APC: variants seen among roughly 807,000 people sequenced by gnomAD.
APC encodes adenomatous polyposis coli protein.
APC carries 72 observed loss-of-function variants against 247.0 expected under a neutral mutation model. The ratio of observed to expected loss-of-function variants is 0.29; its 90% CI spans 0.24 to 0.35. The LOEUF is 0.35. APC is among the 10% of genes least tolerant of loss of function. APC has a pLI of 1.00. For missense variants in APC, 3,400 were observed against 3,360.7 expected, an observed-to-expected ratio of 1.01 and a Z score of -0.29; for synonymous variants, 1,254 against 1,162.5, an observed-to-expected ratio of 1.08 and a Z score of -1.60.
chr5:112,777,355 G>T (rs1430642134), intron 5 of APC, among the ~76,000 whole-genome samples: 1 of 152,106 alleles, frequency 6.6e-6, no homozygotes, highest in Non-Finnish European at 1.5e-5. Context: ...TTGAGTAATG[G>T]CTATGGAAAT....
intron 7 of APC, among the ~76,000 whole-genome samples, chr5:112,800,908 T>A (rs1376406208): frequency 6.6e-6 from 1 of 152,130 alleles, no homozygotes; most frequent in African/African-American, 2.4e-5. Flanking sequence ...AGTTTAACTG[T>A]TGTATTTGCA....
intron 7 of APC, among the ~76,000 whole-genome samples, chr5:112,793,406 C>G (rs150284522): frequency 3.2e-4 from 48 of 152,122 alleles, no homozygotes; most frequent in African/African-American, 1.1e-3. Context: ...AGGAATGTGA[C>G]TAACCCTGAT....
chr5:112,818,078 C>A (rs1201035487), intron 9 of APC, among the ~76,000 whole-genome samples: 3 of 152,132 alleles, frequency 2.0e-5, no homozygotes, highest in Non-Finnish European at 4.4e-5. Flanking sequence ...CCTAAAATAC[C>A]CATCCTACAA....
intron 1 of APC, among the ~76,000 whole-genome samples, chr5:112,748,131 A>G (rs576033672): frequency 2.0e-5 from 3 of 152,302 alleles, no homozygotes; most frequent in East Asian, 3.9e-4. Context: ...TGGGATGGGC[A>G]TCTTGAGACC....
In APC at chr5:112,843,976, C is replaced by A. The variant is rs762190393; in HGVS notation, c.8382C>A (p.Ser2794Arg). The change falls in exon 16 of 16, where the codon AGC becomes AGA. Residue 2794 changes from serine to arginine, a missense_variant. Physicochemically the swap from Ser to Arg is moderately radical, Grantham distance 110. This residue lies in a region of APC where 1,788 missense variants were observed against 1,649.5 expected (regional missense o/e 1.08). Coordinates refer to ENST00000257430, the MANE Select transcript of APC (RefSeq NM_000038.6). The surrounding 1 kb of genome is among the most constrained non-coding windows in gnomAD (Gnocchi z 4.8). ...FNYNPSPRKS[S>R]ADSTSARPSQ... ...ACAACCCAAGCCCTAGGAAAAGCAG[C>A]GCAGATAGCACTTCAGCTCGGCCAT... 6 of 1,602,150 alleles carry A rather than the reference C, an allele frequency of 3.7e-6. No homozygotes were observed. The highest frequency in any genetic ancestry group is 5.1e-6 in the Non-Finnish European group (6 of 1,174,678).
In APC at chr5:112,841,227, A is replaced by T; in HGVS notation, c.5633A>T (p.Lys1878Met). The part of the protein sequence containing the change: ...DDDDVDLSRE[K>M]AELRKAKENK... Reference sequence around the variant, plus strand: ...GATGATGTTGACCTTTCCAGGGAAAAGGCTGAATTAAGAAAGGCAAAAGAA... The same window carrying T: ...GATGATGTTGACCTTTCCAGGGAAATGGCTGAATTAAGAAAGGCAAAAGAA... The change falls in exon 16 of 16, where the codon AAG (lysine) becomes ATG (methionine). Residue 1878 changes from lysine (K) to methionine (M), a missense_variant. Lys to Met is a moderately conservative substitution (Grantham distance 95). Coordinates refer to ENST00000257430, the MANE Select transcript of APC (RefSeq NM_000038.6). This position sits in a 1 kb window ranked among gnomAD's most constrained non-coding sequence, Gnocchi z 4.6. 1 of 1,613,844 alleles carries T rather than the reference A, an allele frequency of 6.2e-7. No individual in the cohort carries two copies. The highest frequency in any genetic ancestry group is 8.5e-7 in the Non-Finnish European group (1 of 1,179,786).
At chr5:112,771,922 G>A (rs900738523) in intron 4 of APC, among the ~76,000 whole-genome samples, 1 of 152,068 alleles carries the variant, frequency 6.6e-6, no homozygotes, top group African/African-American at 2.4e-5. Flanking sequence ...GCTGGGTTTT[G>A]AACCTCAGTT....
intron 12 of APC, 139 bp downstream of exon 12, chr5:112,827,386 C>T (rs948836258): frequency 2.9e-5 from 28 of 981,834 alleles, no homozygotes; most frequent in Middle Eastern, 3.1e-4. Context: ...GCTTCACATT[C>T]GCTTATCTTT....
chr5:112,831,816 G>A (rs191587786), intron 14 of APC, among the ~76,000 whole-genome samples: 2 of 152,272 alleles, frequency 1.3e-5, no homozygotes, highest in Non-Finnish European at 2.9e-5. Flanking sequence ...AAAATTTTCT[G>A]TGGCTTCTAT....
chr5:112,731,735 C>G (rs577343149), intron 1 of APC, among the ~76,000 whole-genome samples: 4 of 152,144 alleles, frequency 2.6e-5, no homozygotes, highest in Non-Finnish European at 4.4e-5. Flanking sequence ...ATTTGATATA[C>G]TAAAACATTC....
At chr5:112,749,287 G>GTCA (rs1171430718) in intron 1 of APC, among the ~76,000 whole-genome samples, 7 of 151,988 alleles carry the variant, frequency 4.6e-5, no homozygotes, top group Non-Finnish European at 1.0e-4. Context: ...TGACCTGTAT[G>GTCA]TCATGGTTAG....
chr5:112,757,390 A>C (rs1755103554), intron 2 of APC, among the ~76,000 whole-genome samples: 2 of 152,122 alleles, frequency 1.3e-5, no homozygotes, highest in African/African-American at 4.8e-5. Context: ...GTAATACCTT[A>C]TATAAACTCG....
chr5:112,794,961 G>A (rs1003749953), intron 7 of APC, among the ~76,000 whole-genome samples: 1 of 152,182 alleles, frequency 6.6e-6, no homozygotes, highest in South Asian at 2.1e-4. Context: ...GGGGATGGGG[G>A]TGCAGAGATT....
rs6891448 is a variant in APC, at chr5:112,752,907, T to G, written c.-18-1966T>G. 0.044 allele frequency among the ~76,000 whole-genome samples: 6,748 copies of G among 152,144 alleles called. 266 individuals carry two copies. Among genetic ancestry groups the G allele is most frequent in the East Asian group, 0.14 (703 of 5,168 alleles). Reference sequence around the variant, plus strand: ...AAAGTTTAATTGTTCATCTGAAGAGTTGATTTTTTTATTCCTGTAATAAAG... The same window carrying G: ...AAAGTTTAATTGTTCATCTGAAGAGGTGATTTTTTTATTCCTGTAATAAAG... On this transcript the variant is annotated intron_variant, in intron 1 of 15. Transcript: ENST00000257430.
At chr5:112,800,183 G>A (rs1760662614) in intron 7 of APC, among the ~76,000 whole-genome samples, 1 of 151,982 alleles carries the variant, frequency 6.6e-6, no homozygotes, top group Admixed American at 6.6e-5. Flanking sequence ...TAGATGGTCA[G>A]TAATTTTCTT....
intron 8 of APC, among the ~76,000 whole-genome samples, chr5:112,801,892 T>G (rs1315277999): frequency 6.6e-6 from 1 of 152,140 alleles, no homozygotes; most frequent in African/African-American, 2.4e-5. Context: ...TAATTATGCT[T>G]AATATTACCA....
chr5:112,707,905 A>G (rs2149631663), intron 1 of APC: 1 of 1,355,460 alleles, frequency 7.4e-7, no homozygotes, highest in Non-Finnish European at 9.7e-7. Flanking sequence ...GCAGGCATTG[A>G]CGTCTCCTCC....
At chr5:112,800,516 T>C (rs888617237) in intron 7 of APC, among the ~76,000 whole-genome samples, 1 of 152,220 alleles carries the variant, frequency 6.6e-6, no homozygotes, top group Admixed American at 6.5e-5. Flanking sequence ...AATTTAATTA[T>C]CCACTGTTAG....
At chr5:112,735,038 A>G (rs913394188), upstream of APC, among the ~76,000 whole-genome samples, 1 of 152,178 alleles carries the variant, frequency 6.6e-6, no homozygotes, top group Non-Finnish European at 1.5e-5. Flanking sequence ...GTTCATATTT[A>G]CAACATTTAC....
Sources: allele counts gnomAD v4.1 joint callset (sites outside exome capture counted in the v4.1 genomes callset), GRCh38; gene constraint gnomAD v4.1.1; regional missense constraint gnomAD v4.1.1; non-coding constraint Gnocchi (gnomAD v3.1); transcripts MANE v1.5; gene names NCBI Gene and HGNC (gene_info 2026-07-23, HGNC 2026-07-21).